LTBP2: variants seen among roughly 807,000 people sequenced by gnomAD.
The protein encoded by LTBP2 is latent-transforming growth factor beta-binding protein 2.
LTBP2 carries 103 observed loss-of-function variants against 210.6 expected under a neutral mutation model. The ratio of observed to expected loss-of-function variants is 0.49; its 90% confidence interval spans 0.42 to 0.58. The LOEUF (loss-of-function observed/expected upper bound fraction) is 0.58, where lower values mean the gene tolerates loss of function less well. LTBP2 is among the 20% of genes least tolerant of loss of function. LTBP2 has a pLI of 0.00. For missense variants in LTBP2, 2,313 were observed against 2,494.5 expected (o/e 0.93, Z 1.55); for synonymous variants, 1,007 against 1,015.0 (o/e 0.99, Z 0.15).
At position 74,585,942 on chromosome 14, in the gene LTBP2, T is replaced by C; in HGVS notation, c.742A>G (p.Arg248Gly). 6.2e-7 allele frequency: 1 copy of C among 1,613,858 alleles called. No homozygotes were observed. Among genetic ancestry groups the C allele is most frequent in the Non-Finnish European group, 8.5e-7 (1 of 1,179,888 alleles). The part of the protein sequence containing the change: ...RWAERSPNLR[R>G]SSAAGEGTLA... ...GTGCCCTCTCCAGCCGCACTGCTCCTGCGCAGGTTGGGTGAACGCTCGGCC... is the reference window on the plus strand; with the variant it reads ...GTGCCCTCTCCAGCCGCACTGCTCCCGCGCAGGTTGGGTGAACGCTCGGCC... The change falls in exon 3 of 36, where the codon AGG (arginine) becomes GGG (glycine). Residue 248 changes from arginine to glycine, a missense_variant. By Grantham distance (125) the Arg-to-Gly change is moderately radical. Transcript: ENST00000261978.
Position 74,500,829 on chromosome 14 carries a change from C to G in LTBP2, c.*55G>C, listed in dbSNP as rs185374765. ...CCAGCTAGGAAATCATCCTCAAGGCCCCTGCCTGTGACTGGAGGCCATTTC... is the reference window on the plus strand; with the variant it reads ...CCAGCTAGGAAATCATCCTCAAGGCGCCTGCCTGTGACTGGAGGCCATTTC... On this transcript the variant is annotated 3_prime_UTR_variant, in exon 36 of 36. Transcript: ENST00000261978. 2 of 1,610,402 alleles carry G rather than the reference C, an allele frequency of 1.2e-6. No homozygotes were observed. Among genetic ancestry groups the G allele is most frequent in the Non-Finnish European group, 1.7e-6 (2 of 1,178,346 alleles).
intron 3 of LTBP2, among the ~76,000 whole-genome samples, chr14:74,563,844 T>C (rs749139740): frequency 6.7e-6 from 1 of 150,068 alleles, no homozygotes; most frequent in Non-Finnish European, 1.5e-5. Context: ...GCTCCTGGTG[T>C]AGGGCATGTG....
Position 74,604,932 on chromosome 14 carries a change from C to T in LTBP2, c.495-1227G>A, listed in dbSNP as rs911682082. Among the ~76,000 whole-genome samples, 3 of 152,236 alleles carry T rather than the reference C, an allele frequency of 2.0e-5. No individual in the cohort carries two copies. The East Asian group carries it at 5.8e-4, about 29-fold the overall frequency. On this transcript the variant is annotated intron_variant, in intron 1 of 35. Transcript: ENST00000261978. ...CAGCACCAGCAGTTTCCACCCGGCC[C>T]TGACTCTGCAGCTAAAGACCCACAT...
chr14:74,558,342 C>T (rs2139755743), intron 3 of LTBP2, among the ~76,000 whole-genome samples: 1 of 152,252 alleles, frequency 6.6e-6, no homozygotes, highest in African/African-American at 2.4e-5. Context: ...TTGCAGTGAG[C>T]CAAGATCACC....
rs1002709989 is a variant in LTBP2 at position 74,502,857 on chromosome 14, C to T, written c.4966G>A (p.Glu1656Lys). 18 of 1,613,916 alleles carry T rather than the reference C, an allele frequency of 1.1e-5. No homozygotes were observed. Among genetic ancestry groups the T allele is most frequent in the East Asian group, 2.2e-5 (1 of 44,890 alleles). ...EAGVHFRPGY[E>K]YGPGPDDLHY... ...AGGTCATCGGGCCCGGGGCCATACTCATAGCCTGGCCGGAAGTGGACCCCG... is the reference window on the plus strand; with the variant it reads ...AGGTCATCGGGCCCGGGGCCATACTTATAGCCTGGCCGGAAGTGGACCCCG... The change falls in exon 34 of 36, where the codon GAG (glutamate) becomes AAG (lysine). Residue 1656 changes from glutamate to lysine, a missense_variant. Glu to Lys is a moderately conservative substitution (Grantham distance 56, BLOSUM62 1). This residue lies in a region of LTBP2 where 443 missense variants were observed against 501.4 expected (regional missense o/e 0.88). Transcript: ENST00000261978.
At chr14:74,603,866 G>A (rs2088484113) in intron 1 of LTBP2, among the ~76,000 whole-genome samples, 161 bp from the exon 2 acceptor site, 1 of 152,116 alleles carries the variant, frequency 6.6e-6, no homozygotes, top group South Asian at 2.1e-4. Flanking sequence ...ATTGAATCCT[G>A]ACTCTGCCAT....
chr14:74,594,109 TC>T (rs2088321381), intron 2 of LTBP2, among the ~76,000 whole-genome samples: 1 of 152,080 alleles, frequency 6.6e-6, no homozygotes, highest in South Asian at 2.1e-4. Context: ...CAAACACGTC[TC>T]CAGGGATCAA....
chr14:74,519,738 T>C (rs1055779088), intron 17 of LTBP2, among the ~76,000 whole-genome samples: 22 of 152,132 alleles, frequency 1.4e-4, no homozygotes, highest in African/African-American at 5.1e-4. Context: ...AGAGACATCT[T>C]GGACACCCAG....
At chr14:74,517,058 G>C in intron 17 of LTBP2, 117 bp from the exon 18 acceptor site, 1 of 1,330,504 alleles carries the variant, frequency 7.5e-7, no homozygotes, top group Non-Finnish European at 1.0e-6. Flanking sequence ...GCTGAGGCCT[G>C]GGCAGGGAAG....
chr14:74,605,418 G>A (rs565211434), intron 1 of LTBP2, among the ~76,000 whole-genome samples: 33 of 152,266 alleles, frequency 2.2e-4, no homozygotes, highest in African/African-American at 7.7e-4. Context: ...GGCGACCACC[G>A]TTAGCAGCTT....
At chr14:74,509,662 A>C in intron 21 of LTBP2, 72 bp downstream of exon 21, 1 of 1,608,102 alleles carries the variant, frequency 6.2e-7, no homozygotes, top group Admixed American at 1.7e-5. Flanking sequence ...AACTGGGGAC[A>C]AATTGAGTGT....
chr14:74,505,786 C>T (rs1040967603), intron 28 of LTBP2, among the ~76,000 whole-genome samples: 8 of 152,150 alleles, frequency 5.3e-5, no homozygotes, highest in African/African-American at 1.9e-4. Flanking sequence ...ATCTGCGGTC[C>T]CTGGGGCCAC....
chr14:74,516,452 G>C (rs2087136278), intron 18 of LTBP2, among the ~76,000 whole-genome samples: 1 of 149,606 alleles, frequency 6.7e-6, no homozygotes, highest in Non-Finnish European at 1.5e-5. Flanking sequence ...GCCCTCAGGA[G>C]CTAACAATCT....
At chr14:74,538,584 C>A (rs1360809494) in intron 8 of LTBP2, among the ~76,000 whole-genome samples, 1 of 152,082 alleles carries the variant, frequency 6.6e-6, no homozygotes, top group African/African-American at 2.4e-5. Context: ...TTGCAATATG[C>A]CAAAGACAAA....
Position 74,522,931 on chromosome 14 carries a change from G to A in LTBP2, c.2531-13C>T. 4 of 1,609,542 alleles carry A rather than the reference G, an allele frequency of 2.5e-6. No homozygotes were observed. Among genetic ancestry groups the A allele is most frequent in the Non-Finnish European group, 3.4e-6 (4 of 1,178,620 alleles). ...CATCTGTCAATGCCTGTGGGAGACAGAGCAAAACAGAGGTTATGGCAGGGT... is the reference window on the plus strand; with the variant it reads ...CATCTGTCAATGCCTGTGGGAGACAAAGCAAAACAGAGGTTATGGCAGGGT... On this transcript the variant is annotated splice_polypyrimidine_tract_variant and intron_variant, in intron 15 of 35. Coordinates refer to ENST00000261978, the MANE Select transcript of LTBP2 (RefSeq NM_000428.3).
At position 74,503,571 on chromosome 14, in the gene LTBP2, C is replaced by T. The variant is rs561365684; in HGVS notation, c.4618G>A (p.Gly1540Ser). ...DECQDLACEN[G>S]ECVNTEGSFH... ...GAGCCCTCCGTGTTGACGCACTCGC[C>T]ATTCTCACAGGCCAGGTCCTGGCAC... Residue 1540 changes from glycine to serine, a missense_variant, in exon 32 of 36, where the codon GGC (glycine) becomes AGC (serine). Physicochemically the swap from Gly to Ser is moderately conservative, Grantham distance 56. Coordinates refer to ENST00000261978, the MANE Select transcript of LTBP2 (RefSeq NM_000428.3). The T allele has an allele frequency of 1.9e-6, 3 of 1,613,900 alleles. No homozygotes were observed. The highest frequency in any genetic ancestry group is 2.5e-6 in the Non-Finnish European group (3 of 1,180,020).
chr14:74,502,836 C>T lies in LTBP2; in HGVS notation c.4987G>A (p.Asp1663Asn). ...GGGCCATAGATGCTGTAGTGCAGGT[C>T]ATCGGGCCCGGGGCCATACTCATAG... Reference protein sequence around the residue: ...PGYEYGPGPDDLHYSIYGPDG... With the variant: ...PGYEYGPGPDNLHYSIYGPDG... Residue 1663 changes from aspartate (D) to asparagine (N), a missense_variant, in exon 34 of 36, where the codon GAC becomes AAC. Transcript: ENST00000261978. The T allele has an allele frequency of 6.2e-7, 1 of 1,614,116 alleles. No individual in the cohort carries two copies. Among genetic ancestry groups the T allele is most frequent in the Non-Finnish European group, 8.5e-7 (1 of 1,179,998 alleles).
chr14:74,574,931 G>C (rs537961694), intron 3 of LTBP2, among the ~76,000 whole-genome samples: 1 of 152,220 alleles, frequency 6.6e-6, no homozygotes, highest in African/African-American at 2.4e-5. Context: ...TGCCCCATGT[G>C]GGGAGAAGGC....
rs774885930 is a variant in LTBP2, at chr14:74,511,383, TC to T, written c.2909-20del. On this transcript the variant is annotated intron_variant, in intron 18 of 35. Coordinates refer to ENST00000261978, the MANE Select transcript of LTBP2 (RefSeq NM_000428.3). ...TTGATATCTGCAAAACAGCAGCCCC[TC>T]CCTTGGTCATCCCTGGGAACATAGC... 8 of 1,613,640 alleles carry T rather than the reference TC, an allele frequency of 5.0e-6. No individual in the cohort carries two copies. The highest frequency in any genetic ancestry group is 6.8e-6 in the Non-Finnish European group (8 of 1,179,738).
Sources: allele counts gnomAD v4.1 joint callset (sites outside exome capture counted in the v4.1 genomes callset), GRCh38; gene constraint gnomAD v4.1.1; regional missense constraint gnomAD v4.1.1; transcripts MANE v1.5; gene names NCBI Gene and HGNC (gene_info 2026-07-23, HGNC 2026-07-21).